The following DENND6B variants were observed in gnomAD, a reference collection of about 807,000 sequenced individuals.
DENND6B encodes the protein protein DENND6B.
Under a neutral mutation model 85.1 loss-of-function variants are expected in DENND6B, and 73 were observed. The observed-to-expected ratio is 0.86, with a 90% confidence interval of 0.71 to 1.04. The LOEUF (loss-of-function observed/expected upper bound fraction) is 1.04, where lower values mean the gene tolerates loss of function less well. DENND6B is among the 50% of genes least tolerant of loss of function. The probability of loss-of-function intolerance (pLI) is 0.00; values close to 1 mark genes in which losing one functional copy is unlikely to be tolerated. For synonymous variants in DENND6B, 357 were observed against 329.3 expected, an observed-to-expected ratio of 1.08 and a Z score of -0.91; for missense variants, 715 against 785.8, an observed-to-expected ratio of 0.91 and a Z score of 1.08.
intron 8 of DENND6B, 34 bp downstream of exon 8, chr22:50,315,991 G>T (rs1297214779): frequency 6.2e-7 from 1 of 1,612,316 alleles, no homozygotes; most frequent in South Asian, 1.1e-5. Context: ...GTGAAGCCCA[G>T]CTGTTTCAGC....
intron 1 of DENND6B, among the ~76,000 whole-genome samples, chr22:50,320,985 G>A (rs956908787): frequency 6.6e-6 from 1 of 152,192 alleles, no homozygotes; most frequent in Non-Finnish European, 1.5e-5. Context: ...GCCACGCCAA[G>A]GTTAAGGGGA....
chr22:50,322,562 T>G (rs1050301707), intron 1 of DENND6B, among the ~76,000 whole-genome samples: 1 of 152,140 alleles, frequency 6.6e-6, no homozygotes, highest in African/African-American at 2.4e-5. Context: ...TTTTTTTGTT[T>G]GTTCTGAGAC....
chr22:50,318,704 G>T, intron 3 of DENND6B, 143 bp downstream of exon 3: 1 of 1,210,288 alleles, frequency 8.3e-7, no homozygotes, highest in Non-Finnish European at 1.2e-6. Context: ...TGCCTCCACG[G>T]AGTGGGCATG....
intron 3 of DENND6B, 89 bp from the exon 4 acceptor site, chr22:50,318,109 C>T (rs1434621030): frequency 6.9e-6 from 9 of 1,313,604 alleles, no homozygotes; most frequent in East Asian, 4.9e-5. Flanking sequence ...AAGGGCCCTG[C>T]GAGCCTGGCC....
chr22:50,313,239 G>T, intron 16 of DENND6B, 131 bp from the exon 17 acceptor site: 1 of 1,158,496 alleles, frequency 8.6e-7, no homozygotes, highest in Non-Finnish European at 1.2e-6. Context: ...CAGATCCCAG[G>T]ACAGCCTTTC....
chr22:50,317,086 A>G (rs1601820083), intron 5 of DENND6B: 2 of 248,714 alleles, frequency 8.0e-6, no homozygotes, highest in Non-Finnish European at 7.3e-6. Context: ...CGGCGAGGAC[A>G]GGGTGGGGGG....
intron 1 of DENND6B, among the ~76,000 whole-genome samples, chr22:50,322,066 G>A (rs2042062028): frequency 6.8e-6 from 1 of 147,078 alleles, no homozygotes; most frequent in African/African-American, 2.5e-5. Context: ...AAACTCTTTG[G>A]GGTCCTCAAT....
At chr22:50,323,382 C>T (rs1343059444) in intron 1 of DENND6B, among the ~76,000 whole-genome samples, 5 of 150,984 alleles carry the variant, frequency 3.3e-5, no homozygotes, top group African/African-American at 7.3e-5. Flanking sequence ...CTCCACCTCC[C>T]GGGTTCAAGC....
rs901856677 is a variant in DENND6B, at chr22:50,313,640, G to A, written c.1288C>T (p.Pro430Ser). The A allele has an allele frequency of 6.3e-7, 1 of 1,582,822 alleles. No homozygotes were observed. The highest frequency in any genetic ancestry group is 8.6e-7 in the Non-Finnish European group (1 of 1,167,588). The change falls in exon 15 of 20, where the codon CCC becomes TCC. Residue 430 changes from proline (P) to serine (S), a missense_variant. Physicochemically the swap from Pro to Ser is moderately conservative, Grantham distance 74. Coordinates refer to ENST00000413817, the MANE Select transcript of DENND6B (RefSeq NM_001001794.4). ...CCCCCAGCCCCGGGCCTCACCAGGG[G>A]GATGATGAAGCTCTGGGTGAGCTCC... ...LLELTQSFII[P>S]LEHYMASLMP... is the part of the protein sequence containing the mutation.
chr22:50,316,731 G>A (rs542986823), intron 5 of DENND6B: 62 of 1,420,440 alleles, frequency 4.4e-5, no homozygotes, highest in South Asian at 4.9e-5. Context: ...GGAAACGCAC[G>A]GTGGCCAGAA....
In DENND6B at chr22:50,326,907, C is replaced by A. The variant is rs1015256194; in HGVS notation, c.82G>T (p.Ala28Ser). 4 of 1,385,960 alleles carry A rather than the reference C, an allele frequency of 2.9e-6. No individual in the cohort carries two copies. The African/African-American group carries it at 4.5e-5, about 16-fold the overall frequency. The allele number at this position is 1,385,960 out of a possible 1,614,324, so 85.9% of individuals were successfully genotyped here. A position where few individuals can be genotyped will look rare whatever the true frequency, so the allele number is the denominator to read the frequency against. Residue 28 changes from alanine (A) to serine (S), a missense_variant, in exon 1 of 20, where the codon GCG (alanine) becomes TCG (serine). Ala to Ser is a moderately conservative substitution (Grantham distance 99, BLOSUM62 1). Coordinates refer to ENST00000413817, the MANE Select transcript of DENND6B (RefSeq NM_001001794.4). ...GCCCAGGGCGCCGCCGGGGTCCGCGCCGCGCGACCTGAAGACGTGGGTCCA... is the reference window on the plus strand; with the variant it reads ...GCCCAGGGCGCCGCCGGGGTCCGCGACGCGCGACCTGAAGACGTGGGTCCA... ...AAGPTSSGRA[A>S]RTPAAPWARF...
At position 50,316,264 on chromosome 22, in the gene DENND6B, A is replaced by G. The variant is rs1161899078; in HGVS notation, c.560-11T>C. ...CGATCTCACTGCACACTGCGGATGC[A>G]GTAGCCCGCATCAGGACCCTCCCCA... On this transcript the variant is annotated splice_polypyrimidine_tract_variant and intron_variant, in intron 6 of 19. Coordinates refer to ENST00000413817, the MANE Select transcript of DENND6B (RefSeq NM_001001794.4). 6.3e-7 allele frequency: 1 copy of G among 1,591,192 alleles called. No individual in the cohort carries two copies. Among genetic ancestry groups the G allele is most frequent in the African/African-American group, 1.3e-5 (1 of 74,528 alleles).
rs780783404 is a variant in DENND6B, at chr22:50,317,345, A to G, written c.401T>C (p.Val134Ala). The change falls in exon 5 of 20, where the codon GTG (valine) becomes GCG (alanine). Residue 134 changes from valine to alanine, a missense_variant. By Grantham distance (64) the Val-to-Ala change is moderately conservative (BLOSUM62 0). Transcript: ENST00000413817. ...QREPAHYFGY[V>A]YFRQVKDSSV... ...GCTGTCCTTCACCTGCCTGAAGTACACGTAGCCGAAGTAGTGTGCCGGCTC... is the reference window on the plus strand; with the variant it reads ...GCTGTCCTTCACCTGCCTGAAGTACGCGTAGCCGAAGTAGTGTGCCGGCTC... 2 of 1,613,014 alleles carry G rather than the reference A, an allele frequency of 1.2e-6. No homozygotes were observed. The highest frequency in any genetic ancestry group is 1.1e-5 in the South Asian group (1 of 91,080).
chr22:50,314,527 C>CAGAG (rs780064927), intron 11 of DENND6B, 33 bp from the exon 12 acceptor site: 1 of 1,554,278 alleles, frequency 6.4e-7, no homozygotes. Flanking sequence ...GAGGCAGAGA[C>CAGAG]AGAGGTCCAG....
chr22:50,318,939 C>T, intron 2 of DENND6B, 26 bp downstream of exon 2: 1 of 1,609,692 alleles, frequency 6.2e-7, no homozygotes, highest in Non-Finnish European at 8.5e-7. Flanking sequence ...TGGGTCCTGT[C>T]CATTCCCAAG....
Position 50,317,294 on chromosome 22 carries a change from T to C in DENND6B, c.452A>G (p.Lys151Arg). The C allele has an allele frequency of 6.2e-7, 1 of 1,612,572 alleles. No individual in the cohort carries two copies. The highest frequency in any genetic ancestry group is 1.3e-5 in the African/African-American group (1 of 74,960). The change falls in exon 5 of 20, where the codon AAG becomes AGG. Residue 151 changes from lysine (K) to arginine (R), a missense_variant and splice_region_variant. Lys to Arg is a conservative substitution (Grantham distance 26). Coordinates refer to ENST00000413817, the MANE Select transcript of DENND6B (RefSeq NM_001001794.4). ...DSSVKRGYFQKSLVLVSRLPF... is the reference protein window; with the variant it reads ...DSSVKRGYFQRSLVLVSRLPF... The stretch of plus-strand genomic sequence containing the variant: ...GCCCAGAGTGGCCAAGCAGCGCACC[T>C]TCTGGAAGTAGCCCCTCTTCACAGA...
In DENND6B at chr22:50,314,660, A is replaced by AGGGAC; in HGVS notation, c.917_921dup (p.Tyr308ValfsTer61). 1 of 1,566,962 alleles carries AGGGAC rather than the reference A, an allele frequency of 6.4e-7. No homozygotes were observed. Among genetic ancestry groups the AGGGAC allele is most frequent in the East Asian group, 2.4e-5 (1 of 42,058 alleles). The stretch of plus-strand genomic sequence containing the variant: ...AACTCGCTGTCATGGATGGTGAAGT[A>AGGGAC]GGGACGGAAGTCGCAGCAGAACCTG... On this transcript the variant is annotated frameshift_variant, in exon 11 of 20. Coordinates refer to ENST00000413817, the MANE Select transcript of DENND6B (RefSeq NM_001001794.4). LOFTEE classifies it high-confidence loss of function.
Position 50,313,030 on chromosome 22 carries a change from T to TGCAGG in DENND6B, c.1421_1425dup (p.Ile476ProfsTer34), listed in dbSNP as rs2068102777. On this transcript the variant is annotated frameshift_variant, in exon 17 of 20. Coordinates refer to ENST00000413817, the MANE Select transcript of DENND6B (RefSeq NM_001001794.4). LOFTEE classifies it high-confidence loss of function. ...AGACCCAGCCAGTCGCCCTTGAGGA[T>TGCAGG]GCAGGTGAGCTGGGGCCCAGCATGC... 1 of 1,562,200 alleles carries TGCAGG rather than the reference T, an allele frequency of 6.4e-7. No homozygotes were observed. Among genetic ancestry groups the TGCAGG allele is most frequent in the Admixed American group, 1.9e-5 (1 of 52,618 alleles).
intron 1 of DENND6B, among the ~76,000 whole-genome samples, chr22:50,322,683 G>A (rs2042082905): frequency 6.6e-6 from 1 of 151,942 alleles, no homozygotes. Context: ...CAGATAGCTG[G>A]GATTACAGGC....
Sources: allele counts gnomAD v4.1 joint callset (sites outside exome capture counted in the v4.1 genomes callset), GRCh38; gene constraint gnomAD v4.1.1; transcripts MANE v1.5; gene names NCBI Gene and HGNC (gene_info 2026-07-23, HGNC 2026-07-21).